Variants in MED30 observed in about 807,000 individuals in gnomAD.
MED30 encodes the protein mediator complex subunit 30, also known as mediator of RNA polymerase II transcription subunit 30.
MED30 carries 8 observed loss-of-function variants against 21.7 expected under a neutral mutation model. The observed-to-expected ratio is 0.37, with a 90% CI of 0.22 to 0.67. The LOEUF is 0.67. MED30 is among the 30% of genes least tolerant of loss of function. The pLI, the probability that MED30 is intolerant of heterozygous loss-of-function variation, is 0.58. For missense variants in MED30, 203 were observed against 228.2 expected, an observed-to-expected ratio of 0.89 and a Z score of 0.71; for synonymous variants, 79 against 86.7, an observed-to-expected ratio of 0.91 and a Z score of 0.49.
intron 1 of MED30, among the ~76,000 whole-genome samples, chr8:117,525,166 C>CT (rs149205951): frequency 0.04 from 6,024 of 152,242 alleles, 203 homozygotes; most frequent in African/African-American, 0.095. Flanking sequence ...ATGCTACGGC[C>CT]TAAGACCAGC....
At position 117,530,774 on chromosome 8, in the gene MED30, G is replaced by A. The variant is rs1306554044; in HGVS notation, c.388G>A (p.Gly130Ser). 3.1e-6 allele frequency: 5 copies of A among 1,612,488 alleles called. No homozygotes were observed. The highest frequency in any genetic ancestry group is 4.2e-6 in the Non-Finnish European group (5 of 1,178,962). The change falls in exon 3 of 4, where the codon GGC becomes AGC. Residue 130 changes from glycine to serine, a missense_variant. Gly to Ser is a moderately conservative substitution (Grantham distance 56). Coordinates refer to ENST00000297347, the MANE Select transcript of MED30 (RefSeq NM_080651.4). ...EDGSKNDDRA[G>S]PPRFASEERR... ...TGGCTCAAAGAATGATGATCGGGCT[G>A]GCCCACCTCGTTTTGCTAGTGAAGA... is the stretch of plus-strand genomic sequence containing the variant.
At chr8:117,535,085 T>A (rs2130817808) in intron 3 of MED30, among the ~76,000 whole-genome samples, 1 of 152,130 alleles carries the variant, frequency 6.6e-6, no homozygotes, top group South Asian at 2.1e-4. Flanking sequence ...CTCTCTCTCC[T>A]GGACCCACCT....
In MED30 at chr8:117,521,437, C is replaced by A. The variant is rs537225304; in HGVS notation, c.177+384C>A. ...AGAATTTACATTTTTTTTAAAAAAA[C>A]AGTCCTCCTTTTTTTGGCATAGTTA... On this transcript the variant is annotated intron_variant, in intron 1 of 3. Coordinates refer to ENST00000297347, the MANE Select transcript of MED30 (RefSeq NM_080651.4). Among the ~76,000 whole-genome samples the A allele has an allele frequency of 4.8e-5, 7 of 146,504 alleles. No homozygotes were observed. In the East Asian group the frequency reaches 6.3e-4, roughly 13 times the overall value.
At chr8:117,532,783 A>T (rs1818809312) in intron 3 of MED30, among the ~76,000 whole-genome samples, 1 of 152,084 alleles carries the variant, frequency 6.6e-6, no homozygotes, top group East Asian at 1.9e-4. Context: ...GTAATACATG[A>T]CAATCATAAT....
At chr8:117,523,131 A>G in intron 1 of MED30, 1 of 591,322 alleles carries the variant, frequency 1.7e-6, no homozygotes, top group Non-Finnish European at 3.0e-6. Context: ...CGCAGAACTA[A>G]ACTTTTTCAA....
At chr8:117,528,070 T>C (rs1355769639) in intron 1 of MED30, among the ~76,000 whole-genome samples, 1 of 151,912 alleles carries the variant, frequency 6.6e-6, no homozygotes, top group African/African-American at 2.4e-5. Flanking sequence ...AATTTATTAA[T>C]GGTGTTCAAG....
At chr8:117,528,400 A>G (rs1818749818) in intron 1 of MED30, among the ~76,000 whole-genome samples, 1 of 151,918 alleles carries the variant, frequency 6.6e-6, no homozygotes, top group Non-Finnish European at 1.5e-5. Context: ...GGGAAAAAGT[A>G]TTTCAAGTCA....
intron 3 of MED30, among the ~76,000 whole-genome samples, chr8:117,532,770 A>T (rs190565573): frequency 1.4e-4 from 22 of 152,222 alleles, no homozygotes; most frequent in Non-Finnish European, 2.7e-4. Flanking sequence ...AAAAAATCTG[A>T]TTGTAATACA....
intron 3 of MED30, among the ~76,000 whole-genome samples, chr8:117,539,455 A>G (rs1427156828): frequency 6.6e-6 from 1 of 151,764 alleles, no homozygotes; most frequent in South Asian, 2.1e-4. Flanking sequence ...GCGCCACTGC[A>G]CTGCAGCCTG....
At chr8:117,523,208 AAG>A in intron 1 of MED30, 1 of 764,912 alleles carries the variant, frequency 1.3e-6, no homozygotes, top group Non-Finnish European at 2.1e-6. Context: ...TTTTTTTTTT[AAG>A]TTTTTTTTTT....
chr8:117,522,991 G>A (rs929752573), intron 1 of MED30, among the ~76,000 whole-genome samples: 4 of 152,036 alleles, frequency 2.6e-5, no homozygotes, highest in Non-Finnish European at 5.9e-5. Context: ...AGGAAACTGA[G>A]GCTTAATGAG....
At chr8:117,523,195 CTTTTT>C (rs202104794) in intron 1 of MED30, 16 of 599,540 alleles carry the variant, frequency 2.7e-5, no homozygotes, top group Non-Finnish European at 3.9e-5. Context: ...TCAAAGCCAA[CTTTTT>C]TTTTTTTAAG....
At chr8:117,523,965 C>T (rs562968915) in intron 1 of MED30, 61 of 268,728 alleles carry the variant, frequency 2.3e-4, no homozygotes, top group African/African-American at 1.2e-3. Context: ...CGAGAGATCG[C>T]GCCACTGCAC....
At chr8:117,534,182 C>T (rs979935868) in intron 3 of MED30, among the ~76,000 whole-genome samples, 15 of 152,186 alleles carry the variant, frequency 9.9e-5, no homozygotes, top group Middle Eastern at 3.4e-3. Context: ...GGCGTATTCT[C>T]GGTGGCATCC....
Position 117,530,762 on chromosome 8 carries a change from G to C in MED30, c.376G>C (p.Asp126His). ...PYVEEDGSKNDDRAGPPRFAS... is the reference protein window; with the variant it reads ...PYVEEDGSKNHDRAGPPRFAS... Reference sequence around the variant, plus strand: ...TGTGGAAGAAGATGGCTCAAAGAATGATGATCGGGCTGGCCCACCTCGTTT... The same window carrying C: ...TGTGGAAGAAGATGGCTCAAAGAATCATGATCGGGCTGGCCCACCTCGTTT... The change falls in exon 3 of 4, where the codon GAT becomes CAT. Residue 126 changes from aspartate to histidine, a missense_variant. Transcript: ENST00000297347. 5 of 1,612,506 alleles carry C rather than the reference G, an allele frequency of 3.1e-6. No individual in the cohort carries two copies. Among genetic ancestry groups the C allele is most frequent in the Non-Finnish European group, 4.2e-6 (5 of 1,178,964 alleles).
chr8:117,526,000 C>T (rs1371560823), intron 1 of MED30, among the ~76,000 whole-genome samples: 1 of 151,974 alleles, frequency 6.6e-6, no homozygotes, highest in Non-Finnish European at 1.5e-5. Flanking sequence ...CTCTTACTAA[C>T]CAAGAACATG....
chr8:117,530,015 C>A (rs1421113581), intron 2 of MED30, among the ~76,000 whole-genome samples: 1 of 151,974 alleles, frequency 6.6e-6, no homozygotes, highest in Non-Finnish European at 1.5e-5. Context: ...TTAGCCTATT[C>A]TTGCATTGGT....
At chr8:117,527,280 T>G (rs1224917967) in intron 1 of MED30, among the ~76,000 whole-genome samples, 1 of 151,992 alleles carries the variant, frequency 6.6e-6, no homozygotes, top group Non-Finnish European at 1.5e-5. Flanking sequence ...AAATGAACCC[T>G]TAATGCCTTT....
At chr8:117,522,310 CTTTATA>C (rs1406228191) in intron 1 of MED30, among the ~76,000 whole-genome samples, 2 of 152,142 alleles carry the variant, frequency 1.3e-5, no homozygotes, top group African/African-American at 4.8e-5. Flanking sequence ...TACTTTCAAG[CTTTATA>C]TTTAGGTCTA....
Sources: gnomAD v4.1 joint callset for allele counts (sites outside exome capture counted in the v4.1 genomes callset) on GRCh38, gnomAD v4.1.1 for gene constraint, MANE v1.5 for transcripts, NCBI Gene and HGNC (gene_info 2026-07-23, HGNC 2026-07-21) for gene names.